Variants in COL4A4 observed in about 807,000 individuals in gnomAD.
COL4A4 encodes collagen type IV alpha 4 chain, also known as collagen alpha-4(IV) chain.
COL4A4 carries 105 observed loss-of-function variants against 192.9 expected under a neutral mutation model. The observed-to-expected ratio is 0.54, with a 90% CI of 0.46 to 0.64. The LOEUF (loss-of-function observed/expected upper bound fraction) is 0.64. Ranked by LOEUF, COL4A4 falls within the 30% of genes least tolerant of loss-of-function variation. The pLI is 0.00. For missense variants in COL4A4, 1,967 were observed against 2,169.3 expected, an observed-to-expected ratio of 0.91 and a Z score of 1.85; for synonymous variants, 762 against 769.9, an observed-to-expected ratio of 0.99 and a Z score of 0.17.
At chr2:227,162,855 T>C (rs967518432) in intron 1 of COL4A4, among the ~76,000 whole-genome samples, 3 of 152,246 alleles carry the variant, frequency 2.0e-5, no homozygotes, top group Admixed American at 2.0e-4. Context: ...TGAGAATCAC[T>C]GGCATAAAAG....
intron 25 of COL4A4, among the ~76,000 whole-genome samples, chr2:227,067,609 G>A (rs2058429009): frequency 6.6e-6 from 1 of 152,108 alleles, no homozygotes. Context: ...ACCTGCTCCT[G>A]AATGACTACT....
intron 10 of COL4A4, 132 bp downstream of exon 10, chr2:227,109,092 G>C (rs758075520): frequency 4.1e-6 from 4 of 965,542 alleles, no homozygotes; most frequent in Non-Finnish European, 5.1e-6. Context: ...ATAATGGTGG[G>C]TTTTCACTGA....
At chr2:227,018,600 AG>A (rs1965395946) in intron 44 of COL4A4, among the ~76,000 whole-genome samples, 1 of 152,222 alleles carries the variant, frequency 6.6e-6, no homozygotes, top group Non-Finnish European at 1.5e-5. Flanking sequence ...AAGGAGCCCC[AG>A]GGAAGCTGGG....
intron 30 of COL4A4, among the ~76,000 whole-genome samples, chr2:227,055,712 T>C (rs2150231971): frequency 6.6e-6 from 1 of 152,006 alleles, no homozygotes; most frequent in East Asian, 1.9e-4. Flanking sequence ...CCAGTCTTCA[T>C]GAATTCTGTG....
At chr2:226,992,199 GAGACTGAGTGGACAGCCAGGA>G in the COL4A4 span, among the ~76,000 whole-genome samples, 1 of 152,230 alleles carries the variant, frequency 6.6e-6, no homozygotes, top group Non-Finnish European at 1.5e-5. Context: ...GAGTGTACCT[GAGACTGAGTGGACAGCCAGGA>G]AGCCTTGTGC....
intron 41 of COL4A4, among the ~76,000 whole-genome samples, chr2:227,029,434 G>A (rs1049152480): frequency 6.6e-6 from 1 of 152,184 alleles, no homozygotes; most frequent in Non-Finnish European, 1.5e-5. Flanking sequence ...GAACAGGCTT[G>A]CTCCATACTG....
Position 227,082,042 on chromosome 2 carries a change from G to A in COL4A4, c.1696+73C>T. On this transcript the variant is annotated intron_variant, in intron 23 of 47. Coordinates refer to ENST00000396625, the MANE Select transcript of COL4A4 (RefSeq NM_000092.5). ...ATAGAATTGATCTATGGTCACAGGG[G>A]AAATTACTGCAAGAGGAGGGTCCAT... is the stretch of plus-strand genomic sequence containing the variant. 13 of 1,242,842 alleles carry A rather than the reference G, an allele frequency of 1.0e-5. 1 individual carries two copies. In the South Asian group the frequency reaches 1.4e-4, roughly 14 times the overall value. The allele number at this position is 1,242,842 out of a possible 1,614,324, so 77.0% of individuals were successfully genotyped here. A position where few individuals can be genotyped will look rare whatever the true frequency, so the allele number is the denominator to read the frequency against.
chr2:227,092,224 T>C (rs1011081410), intron 20 of COL4A4, among the ~76,000 whole-genome samples: 1 of 152,164 alleles, frequency 6.6e-6, no homozygotes, highest in Middle Eastern at 3.2e-3. Context: ...ATTTCCTAAC[T>C]AAAATTTTAT....
intron 42 of COL4A4, among the ~76,000 whole-genome samples, chr2:227,026,118 T>C (rs1316926554): frequency 6.6e-6 from 1 of 152,174 alleles, no homozygotes; most frequent in Non-Finnish European, 1.5e-5. Flanking sequence ...TTAATGCATG[T>C]AGGAATTCTA....
At chr2:227,156,726 T>TA (rs1447494008) in intron 1 of COL4A4, among the ~76,000 whole-genome samples, 1 of 151,940 alleles carries the variant, frequency 6.6e-6, no homozygotes, top group Non-Finnish European at 1.5e-5. Flanking sequence ...TAACAGCACA[T>TA]AAAAAAGACT....
chr2:227,041,883 AAAG>A (rs1357617357), intron 37 of COL4A4, among the ~76,000 whole-genome samples: 58 of 147,764 alleles, frequency 3.9e-4, no homozygotes, highest in African/African-American at 1.5e-3. Context: ...AGAAAGAAAG[AAAG>A]AAAGAAAGAA....
In COL4A4 at chr2:227,160,399, GAGT is replaced by G. The variant is rs576351740; in HGVS notation, c.-102+3605_-102+3607del. On this transcript the variant is annotated intron_variant, in intron 1 of 47. Transcript: ENST00000396625. Reference sequence around the variant, plus strand: ...GTGATCCACTTAGCCAGTGAAATGTGAGTAGAAGTAGCCTGTGTCACATCTAGG... The same window carrying G: ...GTGATCCACTTAGCCAGTGAAATGTGAGAAGTAGCCTGTGTCACATCTAGG... 1.6e-4 allele frequency among the ~76,000 whole-genome samples: 25 copies of G among 152,292 alleles called. No homozygotes were observed. The South Asian group carries it at 3.7e-3, about 23-fold the overall frequency.
intron 4 of COL4A4, among the ~76,000 whole-genome samples, chr2:227,125,310 C>T (rs1235859035): frequency 2.0e-5 from 3 of 151,822 alleles, no homozygotes; most frequent in Non-Finnish European, 4.4e-5. Context: ...CAGATTCAAG[C>T]GATTCTACTG....
chr2:227,124,118 T>G (rs2061956011), intron 4 of COL4A4, among the ~76,000 whole-genome samples: 1 of 152,212 alleles, frequency 6.6e-6, no homozygotes, highest in African/African-American at 2.4e-5. Context: ...GAATAGTATG[T>G]CATATAATCC....
At chr2:226,974,106 G>C in the COL4A4 span, among the ~76,000 whole-genome samples, 1 of 152,072 alleles carries the variant, frequency 6.6e-6, no homozygotes, top group Non-Finnish European at 1.5e-5. Flanking sequence ...CACAGCACTC[G>C]GTGTAACACT....
chr2:227,134,752 C>T (rs2062701821), intron 4 of COL4A4, among the ~76,000 whole-genome samples: 1 of 152,188 alleles, frequency 6.6e-6, no homozygotes, highest in Admixed American at 6.5e-5. Context: ...GAAAGAATGA[C>T]TCACTCACGT....
chr2:227,006,666 A>T lies in COL4A4; in HGVS notation c.*659T>A, dbSNP rs1451401717. ...TATTCATCTGTGATGTGTTTATGCT[A>T]ATGTCGCATCTCTGGAATACGGCGA... is the stretch of plus-strand genomic sequence containing the variant. On this transcript the variant is annotated 3_prime_UTR_variant, in exon 48 of 48. Coordinates refer to ENST00000396625, the MANE Select transcript of COL4A4 (RefSeq NM_000092.5). The T allele has an allele frequency of 1.3e-5, 2 of 153,572 alleles. No homozygotes were observed. Among genetic ancestry groups the T allele is most frequent in the Non-Finnish European group, 2.9e-5 (2 of 69,102 alleles). 9.5% of individuals were successfully genotyped at this position (153,572 alleles called of 1,614,324 possible).
chr2:227,150,449 T>C (rs1159881973), intron 1 of COL4A4, among the ~76,000 whole-genome samples: 1 of 152,188 alleles, frequency 6.6e-6, no homozygotes, highest in East Asian at 1.9e-4. Context: ...CACTCCAGCT[T>C]AGCTACCTTT....
chr2:227,031,933 A>G lies in COL4A4; in HGVS notation c.3817+12T>C. The G allele has an allele frequency of 1.3e-6, 2 of 1,550,538 alleles. No individual in the cohort carries two copies. The highest frequency in any genetic ancestry group is 1.8e-6 in the Non-Finnish European group (2 of 1,122,138). On this transcript the variant is annotated intron_variant, in intron 40 of 47. Coordinates refer to ENST00000396625, the MANE Select transcript of COL4A4 (RefSeq NM_000092.5). ...GGGAGCACTGCCATCCTTTGTCATG[A>G]TTCTCTCATACCTCTTGGGCCATCA...
Sources: gnomAD v4.1 joint callset for allele counts (sites outside exome capture counted in the v4.1 genomes callset) on GRCh38, gnomAD v4.1.1 for gene constraint, MANE v1.5 for transcripts, NCBI Gene and HGNC (gene_info 2026-07-23, HGNC 2026-07-21) for gene names.